DMBT1: variants seen among roughly 807,000 people sequenced by gnomAD.
DMBT1 encodes scavenger receptor cysteine-rich domain-containing protein DMBT1.
A neutral mutation model predicts 252.9 loss-of-function variants in DMBT1; 198 were observed. That is an observed-to-expected ratio of 0.78 (90% CI 0.70 to 0.88). The LOEUF (loss-of-function observed/expected upper bound fraction) is 0.88. DMBT1 is among the 40% of genes least tolerant of loss of function. The pLI is 0.00. For synonymous variants in DMBT1, 990 were observed against 942.7 expected (o/e 1.05, Z -0.92); for missense variants, 2,432 against 2,404.7 (o/e 1.01, Z -0.24).
chr10:122,598,690 A>G (rs2097909260), intron 25 of DMBT1, 84 bp from the exon 26 acceptor site: 1 of 1,600,180 alleles, frequency 6.2e-7, no homozygotes, highest in East Asian at 2.2e-5. Flanking sequence ...TTTAGCCATT[A>G]GGACATGCCT....
intron 52 of DMBT1, among the ~76,000 whole-genome samples, chr10:122,634,014 G>C (rs2098188873): frequency 6.6e-6 from 1 of 152,254 alleles, no homozygotes; most frequent in South Asian, 2.1e-4. Context: ...GCCTGCACCT[G>C]TAGTCCCAGC....
At position 122,576,604 on chromosome 10, in the gene DMBT1, C is replaced by T; in HGVS notation, c.489C>T (p.Pro163=). Residue 163 remains proline, a synonymous_variant, in exon 7 of 56, where the codon CCC becomes CCT. Coordinates refer to ENST00000338354, the MANE Select transcript of DMBT1 (RefSeq NM_001377530.1). ...CCTGGTTTGGCCAGGGCTCAGGACC[C>T]ATTGCCCTGGATGATGTGCGCTGCT... The part of the protein sequence containing the change: ...GNAWFGQGSG[P]IALDDVRCSG... 6.2e-7 allele frequency: 1 copy of T among 1,613,912 alleles called. No homozygotes were observed. The highest frequency in any genetic ancestry group is 8.5e-7 in the Non-Finnish European group (1 of 1,179,798).
intron 6 of DMBT1, 122 bp downstream of exon 6, chr10:122,573,884 C>G: frequency 7.9e-7 from 1 of 1,268,246 alleles, no homozygotes; most frequent in African/African-American, 1.5e-5. Context: ...CACGAGGGGC[C>G]CTTCCACAAA....
At chr10:122,569,721 T>G (rs1799756301) in intron 2 of DMBT1, among the ~76,000 whole-genome samples, 1 of 152,248 alleles carries the variant, frequency 6.6e-6, no homozygotes, top group Non-Finnish European at 1.5e-5. Flanking sequence ...GAGTGATTTA[T>G]TTCGGCATTC....
In DMBT1 at chr10:122,600,185, T is replaced by G. The variant is rs918894685; in HGVS notation, c.3310+92T>G. 6.0e-6 allele frequency: 9 copies of G among 1,492,922 alleles called. 1 individual carries two copies. Among genetic ancestry groups the G allele is most frequent in the African/African-American group, 4.4e-5 (3 of 67,946 alleles). 92.5% of individuals were successfully genotyped at this position (1,492,922 alleles called of 1,614,324 possible). ...CACAGAGCTCTCCTGTTTCTCTGTG[T>G]GGATACTGTGGGGCATATTATTTCT... On this transcript the variant is annotated intron_variant, in intron 27 of 55. Coordinates refer to ENST00000338354, the MANE Select transcript of DMBT1 (RefSeq NM_001377530.1).
chr10:122,634,427 C>G (rs866157501), intron 52 of DMBT1, among the ~76,000 whole-genome samples: 745 of 64,636 alleles, frequency 0.012, 24 homozygotes, highest in South Asian at 0.039. Flanking sequence ...CTCTCTCTCT[C>G]TCTTCTCTCT....
In DMBT1 at chr10:122,620,238, T is replaced by C. The variant is rs2098050652; in HGVS notation, c.5246-15T>C. On this transcript the variant is annotated splice_polypyrimidine_tract_variant and intron_variant, in intron 42 of 55. Transcript: ENST00000338354. ...CAAGTCTAATTTTGTCCTTTCTCTTTGTTGCAATTTACAGATACTTGGCTG... is the reference window on the plus strand; with the variant it reads ...CAAGTCTAATTTTGTCCTTTCTCTTCGTTGCAATTTACAGATACTTGGCTG... The C allele has an allele frequency of 2.5e-6, 4 of 1,613,934 alleles. No homozygotes were observed. The highest frequency in any genetic ancestry group is 4.5e-5 in the East Asian group (2 of 44,872).
rs199857379 is a variant in DMBT1 at position 122,627,837 on chromosome 10, T to C, written c.5668+1872T>C. 2.9e-4 allele frequency among the ~76,000 whole-genome samples: 44 copies of C among 152,304 alleles called. 1 individual carries two copies. In the East Asian group the frequency reaches 7.5e-3, roughly 26 times the overall value. On this transcript the variant is annotated intron_variant, in intron 46 of 55. Transcript: ENST00000338354. Reference sequence around the variant, plus strand: ...TAGGATATATAAGTGACTCTTGTAGTCAATGATAAAAAGTCAAATAACCCA... The same window carrying C: ...TAGGATATATAAGTGACTCTTGTAGCCAATGATAAAAAGTCAAATAACCCA...
intron 5 of DMBT1, among the ~76,000 whole-genome samples, chr10:122,572,832 A>G (rs2097677405): frequency 6.6e-6 from 1 of 152,132 alleles, no homozygotes; most frequent in Non-Finnish European, 1.5e-5. Context: ...AGAGTGGGAG[A>G]ACTCTTGGGA....
At chr10:122,634,001 GT>G (rs2098188750) in intron 52 of DMBT1, among the ~76,000 whole-genome samples, 1 of 152,088 alleles carries the variant, frequency 6.6e-6, no homozygotes, top group African/African-American at 2.4e-5. Flanking sequence ...GCTGGGTGTG[GT>G]GGCCTGCACC....
chr10:122,633,781 G>A (rs1408811112), intron 52 of DMBT1, among the ~76,000 whole-genome samples: 1 of 152,200 alleles, frequency 6.6e-6, no homozygotes, highest in Non-Finnish European at 1.5e-5. Context: ...CAGTGGAAAA[G>A]ATGGTTGTTA....
At chr10:122,577,979 C>T in intron 8 of DMBT1, 139 bp downstream of exon 8, 1 of 898,286 alleles carries the variant, frequency 1.1e-6, no homozygotes, top group Non-Finnish European at 1.7e-6. Flanking sequence ...AACTGAGACC[C>T]TAGCATGGGG....
Position 122,588,804 on chromosome 10 carries a change from C to A in DMBT1, c.1784-140C>A, listed in dbSNP as rs1312427800. On this transcript the variant is annotated intron_variant, in intron 16 of 55. Coordinates refer to ENST00000338354, the MANE Select transcript of DMBT1 (RefSeq NM_001377530.1). ...CTCCTTCTACTGTGATGAAGCTGAA[C>A]CTCTGGTTGCAGTCATCTTTAATCG... 4.2e-6 allele frequency: 6 copies of A among 1,437,796 alleles called. 2 individuals are homozygous for A. Among genetic ancestry groups the A allele is most frequent in the Admixed American group, 1.8e-5 (1 of 55,188 alleles). 89.1% of individuals were successfully genotyped at this position (1,437,796 alleles called of 1,614,324 possible).
chr10:122,617,079 A>G, intron 39 of DMBT1, 149 bp from the exon 40 acceptor site: 2 of 946,412 alleles, frequency 2.1e-6, no homozygotes, highest in Non-Finnish European at 1.7e-6. Flanking sequence ...TTCACAGCAG[A>G]GGAGACCTGG....
At chr10:122,641,624 A>G (rs1844548137) in intron 55 of DMBT1, among the ~76,000 whole-genome samples, 2 of 152,164 alleles carry the variant, frequency 1.3e-5, no homozygotes. Context: ...CCGTTGTACA[A>G]ATAGTCATAA....
At chr10:122,563,090 C>A (rs988974321) in intron 1 of DMBT1, among the ~76,000 whole-genome samples, 1 of 152,224 alleles carries the variant, frequency 6.6e-6, no homozygotes, top group Non-Finnish European at 1.5e-5. Context: ...GCTGGAAGTA[C>A]CGAGGTGGCA....
At chr10:122,643,096 G>C in intron 55 of DMBT1, 26 bp from the exon 56 acceptor site, 1 of 1,609,022 alleles carries the variant, frequency 6.2e-7, no homozygotes, top group Non-Finnish European at 8.5e-7. Context: ...CTTGGTGAGA[G>C]CTAAGGGGCT....
chr10:122,617,385 G>GA lies in DMBT1; in HGVS notation c.4891+127dup. 2.4e-6 allele frequency: 3 copies of GA among 1,230,426 alleles called. 1 individual carries two copies. The East Asian group carries it at 7.7e-5, about 32-fold the overall frequency. The allele number at this position is 1,230,426 out of a possible 1,614,324, so 76.2% of individuals were successfully genotyped here. On this transcript the variant is annotated intron_variant, in intron 40 of 55. Coordinates refer to ENST00000338354, the MANE Select transcript of DMBT1 (RefSeq NM_001377530.1). ...CATGTCCCTGTGGGTTGGGTGGGAG[G>GA]AAGGTGGAGTTTCTAGGGAGTCAGC...
chr10:122,640,172 T>A lies in DMBT1; in HGVS notation c.7075T>A (p.Tyr2359Asn). The A allele has an allele frequency of 6.2e-7, 1 of 1,614,070 alleles. No individual in the cohort carries two copies. The highest frequency in any genetic ancestry group is 8.5e-7 in the Non-Finnish European group (1 of 1,179,898). ...MLQNTWVDTMYIANDTIHVAN... is the reference protein window; with the variant it reads ...MLQNTWVDTMNIANDTIHVAN... ...TCAGAACACCTGGGTCGACACCATG[T>A]ACATTGCTAATGACACCATCCACGT... is the stretch of plus-strand genomic sequence containing the variant. Residue 2359 changes from tyrosine to asparagine, a missense_variant, in exon 55 of 56, where the codon TAC (tyrosine) becomes AAC (asparagine). Transcript: ENST00000338354.
Sources: gnomAD v4.1 joint callset for allele counts (sites outside exome capture counted in the v4.1 genomes callset) on GRCh38, gnomAD v4.1.1 for gene constraint, MANE v1.5 for transcripts, NCBI Gene and HGNC (gene_info 2026-07-23, HGNC 2026-07-21) for gene names.